The following MGAT5 variants were observed in gnomAD, a reference collection of about 807,000 sequenced individuals.
MGAT5 encodes the protein alpha-1,6-mannosylglycoprotein 6-beta-N-acetylglucosaminyltransferase, also known as alpha-1,6-mannosylglycoprotein 6-beta-N-acetylglucosaminyltransferase A.
A neutral mutation model predicts 94.3 loss-of-function variants in MGAT5; 30 were observed. That is an observed-to-expected ratio of 0.32 (90% CI 0.24 to 0.43). MGAT5 has a LOEUF of 0.43. Ranked by LOEUF, MGAT5 falls within the 20% of genes least tolerant of loss-of-function variation. The pLI, the probability that MGAT5 is intolerant of heterozygous loss-of-function variation, is 1.00. For synonymous variants in MGAT5, 310 were observed against 322.9 expected, an observed-to-expected ratio of 0.96 and a Z score of 0.43; for missense variants, 691 against 905.5, an observed-to-expected ratio of 0.76 and a Z score of 3.04.
chr2:134,130,490 T>C (rs1686099478), intron 1 of MGAT5, among the ~76,000 whole-genome samples: 1 of 152,224 alleles, frequency 6.6e-6, no homozygotes, highest in Non-Finnish European at 1.5e-5. Flanking sequence ...AGTGAGGACT[T>C]GGAGAACTTT....
chr2:134,150,793 G>A (rs1207006928), intron 1 of MGAT5, among the ~76,000 whole-genome samples: 2 of 152,164 alleles, frequency 1.3e-5, no homozygotes, highest in East Asian at 1.9e-4. Flanking sequence ...GATAATAATA[G>A]GAGTCACAAA....
intron 5 of MGAT5, among the ~76,000 whole-genome samples, chr2:134,336,857 A>T (rs1307985226): frequency 1.3e-5 from 2 of 152,168 alleles, no homozygotes; most frequent in Non-Finnish European, 2.9e-5. Context: ...GAAATTGGGA[A>T]GGTAGGAAGG....
intron 1 of MGAT5, among the ~76,000 whole-genome samples, chr2:134,130,095 C>G (rs1225436527): frequency 2.6e-5 from 4 of 152,158 alleles, no homozygotes; most frequent in East Asian, 3.9e-4. Context: ...AGCGCCGGGT[C>G]CCCCAGCACT....
intron 1 of MGAT5, among the ~76,000 whole-genome samples, chr2:134,193,227 A>G (rs768119866): frequency 2.6e-5 from 4 of 151,828 alleles, no homozygotes; most frequent in Non-Finnish European, 5.9e-5. Flanking sequence ...GATTCAAGCA[A>G]TTCTCCTACC....
At chr2:134,345,457 C>T (rs1688868300) in intron 8 of MGAT5, among the ~76,000 whole-genome samples, 1 of 152,056 alleles carries the variant, frequency 6.6e-6, no homozygotes, top group Non-Finnish European at 1.5e-5. Context: ...TCTTGTCATT[C>T]CTGGAAGGGA....
At chr2:134,261,415 A>G (rs780497885) in intron 1 of MGAT5, among the ~76,000 whole-genome samples, 1 of 152,100 alleles carries the variant, frequency 6.6e-6, no homozygotes, top group Non-Finnish European at 1.5e-5. Context: ...CCTCAAGTCT[A>G]CTAAGGCATG....
At chr2:134,425,489 CA>C (rs1684528226) in intron 13 of MGAT5, among the ~76,000 whole-genome samples, 1 of 151,754 alleles carries the variant, frequency 6.6e-6, no homozygotes, top group African/African-American at 2.4e-5. Context: ...AAGTTTTGAA[CA>C]GGGGGATGAG....
intron 9 of MGAT5, among the ~76,000 whole-genome samples, chr2:134,360,121 C>A (rs1468353733): frequency 2.0e-5 from 3 of 151,746 alleles, no homozygotes; most frequent in Non-Finnish European, 2.9e-5. Context: ...GGTTGTTGAT[C>A]CCTAAGTTAA....
intron 10 of MGAT5, among the ~76,000 whole-genome samples, chr2:134,385,862 C>T (rs929934534): frequency 6.6e-6 from 1 of 151,994 alleles, no homozygotes; most frequent in African/African-American, 2.4e-5. Context: ...AAAGGAAGAT[C>T]GATTTAGCAG....
intron 1 of MGAT5, among the ~76,000 whole-genome samples, chr2:134,189,602 G>GTTTTTTTTTGTTTTTTTTTTTTTTTTTT (rs1689240830): frequency 1.2e-5 from 1 of 84,672 alleles, no homozygotes; most frequent in Non-Finnish European, 2.3e-5. Flanking sequence ...GTTTTTTTTT[G>GTTTTTTTTTGTTTTTTTTTTTTTTTTTT]TTTTTTTTTT....
chr2:134,412,766 C>A, intron 11 of MGAT5, 103 bp from the exon 12 acceptor site: 1 of 1,440,926 alleles, frequency 6.9e-7, no homozygotes, highest in Non-Finnish European at 9.5e-7. Context: ...GGTGTCCACA[C>A]GGGAATGGGC....
intron 1 of MGAT5, among the ~76,000 whole-genome samples, chr2:134,190,724 A>G (rs1216462636): frequency 6.6e-6 from 1 of 151,614 alleles, no homozygotes; most frequent in African/African-American, 2.4e-5. Context: ...GGAACACTGC[A>G]GCCTCAACCT....
At chr2:134,351,942 T>C (rs1040829049) in intron 9 of MGAT5, among the ~76,000 whole-genome samples, 2 of 152,168 alleles carry the variant, frequency 1.3e-5, no homozygotes, top group African/African-American at 2.4e-5. Flanking sequence ...TCTGAACATA[T>C]GGAAAGATGT....
At chr2:134,149,443 A>G (rs1042115608) in intron 1 of MGAT5, among the ~76,000 whole-genome samples, 11 of 151,736 alleles carry the variant, frequency 7.2e-5, no homozygotes, top group Non-Finnish European at 1.3e-4. Flanking sequence ...ATCCCTGTGC[A>G]TCTACTACAG....
At chr2:134,230,435 C>G (rs74771550) in intron 1 of MGAT5, among the ~76,000 whole-genome samples, 1,694 of 152,244 alleles carry the variant, frequency 0.011, 22 homozygotes, top group African/African-American at 0.037. Context: ...GAAATAAGTT[C>G]TAGTGTTTCA....
At chr2:134,143,627 G>A (rs1360675847) in intron 1 of MGAT5, among the ~76,000 whole-genome samples, 1 of 152,212 alleles carries the variant, frequency 6.6e-6, no homozygotes, top group Admixed American at 6.5e-5. Context: ...TGGAAATAGA[G>A]GGGTGGAAGG....
intron 2 of MGAT5, among the ~76,000 whole-genome samples, chr2:134,275,531 A>G (rs1027313257): frequency 6.6e-6 from 1 of 150,880 alleles, no homozygotes; most frequent in African/African-American, 2.4e-5. Flanking sequence ...GACACATGTC[A>G]ATGTCAGGAC....
chr2:134,125,196 T>C (rs1685788024), intron 1 of MGAT5, among the ~76,000 whole-genome samples: 1 of 152,248 alleles, frequency 6.6e-6, no homozygotes, highest in Non-Finnish European at 1.5e-5. Context: ...ATGCTTCTTT[T>C]GTACTACAGG....
At chr2:134,131,647 T>C (rs1686177981) in intron 1 of MGAT5, among the ~76,000 whole-genome samples, 1 of 140,378 alleles carries the variant, frequency 7.1e-6, no homozygotes, top group Non-Finnish European at 1.5e-5. Flanking sequence ...CTGTATCCAC[T>C]ATCCACACTC....
Sources: allele counts gnomAD v4.1 joint callset (sites outside exome capture counted in the v4.1 genomes callset), GRCh38; gene constraint gnomAD v4.1.1; transcripts MANE v1.5; gene names NCBI Gene and HGNC (gene_info 2026-07-23, HGNC 2026-07-21).